Variants in ZDHHC13 observed in about 807,000 individuals in gnomAD.
The protein encoded by ZDHHC13 is palmitoyltransferase ZDHHC13.
In ZDHHC13, 85 loss-of-function variants were observed where a neutral mutation model predicts 86.0. The observed-to-expected ratio is 0.99, with a 90% CI of 0.83 to 1.18. ZDHHC13 has a LOEUF of 1.18. Ranked by LOEUF, ZDHHC13 falls within the 50% of genes most tolerant of loss-of-function variation. The pLI is 0.00. For missense variants in ZDHHC13, 711 were observed against 730.2 expected (o/e 0.97, Z 0.30); for synonymous variants, 263 against 246.4 (o/e 1.07, Z -0.63).
At chr11:19,167,170 A>G (rs1850094212) in intron 14 of ZDHHC13, 1 of 152,176 alleles carries the variant, frequency 6.6e-6, no homozygotes, top group Non-Finnish European at 1.5e-5. Flanking sequence ...ATTTATTTTA[A>G]GGCTTTTGGA....
chr11:19,146,963 A>G (rs976294988), intron 3 of ZDHHC13, among the ~76,000 whole-genome samples: 4 of 152,156 alleles, frequency 2.6e-5, no homozygotes, highest in African/African-American at 9.7e-5. Context: ...ATAAACTGGC[A>G]TGGTATTTAG....
chr11:19,168,645 T>C (rs1850138579), intron 14 of ZDHHC13: 1 of 201,516 alleles, frequency 5.0e-6, no homozygotes. Flanking sequence ...TCATTTATTA[T>C]TATTTCACAG....
chr11:19,129,944 C>T (rs1008196163), intron 1 of ZDHHC13, among the ~76,000 whole-genome samples: 2 of 152,074 alleles, frequency 1.3e-5, no homozygotes, highest in African/African-American at 2.4e-5. Flanking sequence ...TACAAAAAGC[C>T]GGATGTGGTG....
At position 19,146,207 on chromosome 11, in the gene ZDHHC13, A is replaced by T; in HGVS notation, c.200A>T (p.Glu67Val). 6.2e-7 allele frequency: 1 copy of T among 1,607,742 alleles called. No individual in the cohort carries two copies. ...TACGGAATTTTTGAACGATGTAAAG[A>T]GTTGGTAGAAGCAGGATATGATGTC... The part of the protein sequence containing the change: ...TQYGIFERCK[E>V]LVEAGYDVRQ... The change falls in exon 3 of 17, where the codon GAG (glutamate) becomes GTG (valine). Residue 67 changes from glutamate (E) to valine (V), a missense_variant. Transcript: ENST00000446113.
chr11:19,132,573 T>C (rs1849025707), intron 1 of ZDHHC13, among the ~76,000 whole-genome samples: 1 of 152,162 alleles, frequency 6.6e-6, no homozygotes, highest in Non-Finnish European at 1.5e-5. Context: ...CCCCCTTTTT[T>C]CTGGTTGGCT....
At chr11:19,153,312 A>G (rs2133432429) in intron 8 of ZDHHC13, among the ~76,000 whole-genome samples, 2 of 152,342 alleles carry the variant, frequency 1.3e-5, no homozygotes, top group Admixed American at 1.3e-4. Flanking sequence ...TGAATGTCTA[A>G]GAAAATCTAA....
chr11:19,144,599 A>G (rs915736754), intron 2 of ZDHHC13, among the ~76,000 whole-genome samples: 2 of 152,142 alleles, frequency 1.3e-5, no homozygotes, highest in Admixed American at 6.6e-5. Context: ...GTCATTTTCA[A>G]AAATTTACTC....
intron 16 of ZDHHC13, among the ~76,000 whole-genome samples, chr11:19,174,670 G>GA (rs1850311742): frequency 6.6e-6 from 1 of 152,230 alleles, no homozygotes; most frequent in Non-Finnish European, 1.5e-5. Context: ...ATTTAATGGA[G>GA]AAAAAATGAT....
intron 1 of ZDHHC13, among the ~76,000 whole-genome samples, chr11:19,135,558 G>C (rs1017787521): frequency 6.6e-6 from 1 of 152,220 alleles, no homozygotes; most frequent in Non-Finnish European, 1.5e-5. Context: ...GCTCGAACTG[G>C]GTGGAGCCCA....
intron 1 of ZDHHC13, among the ~76,000 whole-genome samples, chr11:19,134,398 A>G (rs1414890441): frequency 6.6e-6 from 1 of 151,954 alleles, no homozygotes; most frequent in African/African-American, 2.4e-5. Context: ...CTATAAATAT[A>G]CATGTACACG....
Position 19,170,501 on chromosome 11 carries a change from A to G in ZDHHC13, c.1565A>G (p.Tyr522Cys), listed in dbSNP as rs1301992054. ...QIVACSPWVL[Y>C]ILMLATFHFS... ...GTGGCCTGTTCCCCTTGGGTTTTAT[A>G]TATCTTGATGCTAGCAACTTTCCAT... The change falls in exon 15 of 17, where the codon TAT (tyrosine) becomes TGT (cysteine). Residue 522 changes from tyrosine (Y) to cysteine (C), a missense_variant. Physicochemically the swap from Tyr to Cys is radical, Grantham distance 194. Transcript: ENST00000446113. 1.3e-6 allele frequency: 2 copies of G among 1,526,678 alleles called. No individual in the cohort carries two copies. Among genetic ancestry groups the G allele is most frequent in the Admixed American group, 2.3e-5 (1 of 44,270 alleles). 94.6% of individuals were successfully genotyped at this position (1,526,678 alleles called of 1,614,324 possible).
chr11:19,175,798 T>C, intron 16 of ZDHHC13, 24 bp from the exon 17 acceptor site: 1 of 1,605,894 alleles, frequency 6.2e-7, no homozygotes, highest in Non-Finnish European at 8.5e-7. Flanking sequence ...GTAAGACATG[T>C]TCTCTTTTTT....
At chr11:19,129,271 T>TGG (rs1333012243) in intron 1 of ZDHHC13, among the ~76,000 whole-genome samples, 3 of 152,248 alleles carry the variant, frequency 2.0e-5, no homozygotes, top group Admixed American at 2.0e-4. Context: ...TTATGCTGTC[T>TGG]GGTACTTTAG....
chr11:19,131,361 G>T (rs1848996675), intron 1 of ZDHHC13, among the ~76,000 whole-genome samples: 1 of 151,854 alleles, frequency 6.6e-6, no homozygotes. Flanking sequence ...AGGATTTCGG[G>T]GCTTATCCTA....
chr11:19,145,857 T>G (rs1483595185), intron 2 of ZDHHC13, among the ~76,000 whole-genome samples: 1 of 152,218 alleles, frequency 6.6e-6, no homozygotes, highest in East Asian at 1.9e-4. Context: ...GTAAGATTAT[T>G]GTCAGGAATT....
At chr11:19,171,433 AATG>A (rs1252793845) in intron 15 of ZDHHC13, among the ~76,000 whole-genome samples, 1 of 152,190 alleles carries the variant, frequency 6.6e-6, no homozygotes, top group Non-Finnish European at 1.5e-5. Context: ...AAATAATAAT[AATG>A]ATAATAATAA....
intron 1 of ZDHHC13, among the ~76,000 whole-genome samples, chr11:19,119,327 G>C (rs536072971): frequency 6.6e-6 from 1 of 152,044 alleles, no homozygotes; most frequent in Non-Finnish European, 1.5e-5. Context: ...GGATGGTCTC[G>C]ATCTCCTGAC....
intron 16 of ZDHHC13, among the ~76,000 whole-genome samples, chr11:19,173,307 T>A (rs1314569296): frequency 6.6e-6 from 1 of 152,194 alleles, no homozygotes; most frequent in African/African-American, 2.4e-5. Context: ...TTTTTCAGAT[T>A]TGGATTTGTT....
intron 1 of ZDHHC13, among the ~76,000 whole-genome samples, chr11:19,123,777 T>TAAC (rs142955690): frequency 0.036 from 5,461 of 152,036 alleles, 201 homozygotes; most frequent in African/African-American, 0.097. Flanking sequence ...CCAGTATACC[T>TAAC]AACAACAACA....
Sources: allele counts gnomAD v4.1 joint callset (sites outside exome capture counted in the v4.1 genomes callset), GRCh38; gene constraint gnomAD v4.1.1; transcripts MANE v1.5; gene names NCBI Gene and HGNC (gene_info 2026-07-23, HGNC 2026-07-21).